ATAD2B: variants seen among roughly 807,000 people sequenced by gnomAD.
ATAD2B encodes the protein ATPase family AAA domain-containing protein 2B.
In ATAD2B, 40 loss-of-function variants were observed where a neutral mutation model predicts 167.6. The ratio of observed to expected loss-of-function variants is 0.24; its 90% CI spans 0.19 to 0.31. ATAD2B has a LOEUF of 0.31. Ranked by LOEUF, ATAD2B falls within the 10% of genes least tolerant of loss-of-function variation. ATAD2B has a pLI of 1.00. For synonymous variants in ATAD2B, 579 were observed against 596.5 expected, an observed-to-expected ratio of 0.97 and a Z score of 0.43; for missense variants, 1,242 against 1,757.2, an observed-to-expected ratio of 0.71 and a Z score of 5.24.
At chr2:23,869,132 C>A (rs1695561789) in intron 9 of ATAD2B, among the ~76,000 whole-genome samples, 1 of 152,086 alleles carries the variant, frequency 6.6e-6, no homozygotes, top group African/African-American at 2.4e-5. Context: ...TTATTTACTC[C>A]TCCACTGAAA....
chr2:23,889,971 T>C (rs1016480077), intron 2 of ATAD2B, among the ~76,000 whole-genome samples: 3 of 149,928 alleles, frequency 2.0e-5, no homozygotes, highest in South Asian at 4.2e-4. Flanking sequence ...TCCCAACACT[T>C]TGGGAGGCCG....
intron 18 of ATAD2B, among the ~76,000 whole-genome samples, chr2:23,805,232 A>G (rs1295855046): frequency 1.3e-5 from 2 of 152,196 alleles, no homozygotes; most frequent in African/African-American, 4.8e-5. Context: ...TCAAATAAAA[A>G]CTTCAAAAAA....
intron 18 of ATAD2B, among the ~76,000 whole-genome samples, chr2:23,808,551 TA>T (rs1489904320): frequency 6.6e-6 from 1 of 152,148 alleles, no homozygotes; most frequent in East Asian, 1.9e-4. Flanking sequence ...TAACTTATTA[TA>T]GTATTTATAA....
In ATAD2B at chr2:23,901,387, C is replaced by G. The variant is rs561601542; in HGVS notation, c.217-5417G>C. 7.3e-5 allele frequency among the ~76,000 whole-genome samples: 11 copies of G among 151,218 alleles called. No individual in the cohort carries two copies. In the South Asian group the frequency reaches 2.1e-3, roughly 29 times the overall value. The stretch of plus-strand genomic sequence containing the variant: ...TTTTTTTTTTCTTCATGAAATCTCC[C>G]TGAAGAATCTAGCCTAAATTAAGCT... On this transcript the variant is annotated intron_variant, in intron 1 of 27. Transcript: ENST00000238789.
At chr2:23,918,435 A>C (rs1375707980) in intron 1 of ATAD2B, among the ~76,000 whole-genome samples, 1 of 152,100 alleles carries the variant, frequency 6.6e-6, no homozygotes, top group South Asian at 2.1e-4. Flanking sequence ...AAAAATAAAA[A>C]ATGAAACAAA....
Position 23,872,569 on chromosome 2 carries a change from C to T in ATAD2B, c.978-2808G>A. The T allele has an allele frequency of 2.6e-6, 3 of 1,154,228 alleles. No homozygotes were observed. In the South Asian group the frequency reaches 3.7e-5, roughly 14 times the overall value. 71.5% of individuals were successfully genotyped at this position (1,154,228 alleles called of 1,614,324 possible). ...GACTCTCACAGGAGGGTAGCTGATC[C>T]TCCGTGAGGTCTGCATGCCTGCGAT... is the stretch of plus-strand genomic sequence containing the variant. On this transcript the variant is annotated intron_variant, in intron 8 of 27. Coordinates refer to ENST00000238789, the MANE Select transcript of ATAD2B (RefSeq NM_017552.4).
intron 8 of ATAD2B, among the ~76,000 whole-genome samples, chr2:23,870,024 A>G (rs1695688172): frequency 1.3e-5 from 2 of 152,040 alleles, no homozygotes; most frequent in Admixed American, 6.6e-5. Flanking sequence ...CCTGGCCAAC[A>G]TGGTGAAACT....
chr2:23,886,726 T>C (rs1698713457), intron 4 of ATAD2B, among the ~76,000 whole-genome samples: 1 of 151,302 alleles, frequency 6.6e-6, no homozygotes, highest in South Asian at 2.1e-4. Flanking sequence ...GGTCAGGAGA[T>C]AGAGACCATC....
At chr2:23,759,861 T>C (rs1032036163) in intron 24 of ATAD2B, among the ~76,000 whole-genome samples, 1 of 152,202 alleles carries the variant, frequency 6.6e-6, no homozygotes, top group African/African-American at 2.4e-5. Context: ...ATCTAGTCCA[T>C]ATAAAAAATA....
chr2:23,910,329 C>CTAAAAATA (rs1316905511), intron 1 of ATAD2B, among the ~76,000 whole-genome samples: 1 of 151,524 alleles, frequency 6.6e-6, no homozygotes, highest in African/African-American at 2.4e-5. Flanking sequence ...CAAGCATGCA[C>CTAAAAATA]CACGATGCTC....
chr2:23,683,013 C>T, the ATAD2B span, among the ~76,000 whole-genome samples: 1 of 152,228 alleles, frequency 6.6e-6, no homozygotes, highest in Non-Finnish European at 1.5e-5. Flanking sequence ...AGTGTGTCCT[C>T]ACCAAAAAGG....
At chr2:23,902,121 G>A (rs1377592174) in intron 1 of ATAD2B, among the ~76,000 whole-genome samples, 1 of 152,166 alleles carries the variant, frequency 6.6e-6, no homozygotes, top group East Asian at 1.9e-4. Flanking sequence ...AATCTCTGGA[G>A]GTGAAACGTT....
chr2:23,706,284 G>A, the ATAD2B span, among the ~76,000 whole-genome samples: 2 of 152,182 alleles, frequency 1.3e-5, no homozygotes, highest in African/African-American at 2.4e-5. Flanking sequence ...GGCATAGCAC[G>A]GCTTCCTGAC....
At chr2:23,711,342 C>CTTTT in the ATAD2B span, among the ~76,000 whole-genome samples, 219 of 79,768 alleles carry the variant, frequency 2.7e-3, 7 homozygotes, top group Non-Finnish European at 3.8e-3. Context: ...GAATTTCTTT[C>CTTTT]TTTTTTTTTT....
At chr2:23,789,913 A>T (rs1337188962) in intron 19 of ATAD2B, among the ~76,000 whole-genome samples, 1 of 152,200 alleles carries the variant, frequency 6.6e-6, no homozygotes, top group East Asian at 1.9e-4. Context: ...TGCCTTTTCC[A>T]GCTCTGAAAT....
At chr2:23,829,960 A>G (rs1329551950) in intron 14 of ATAD2B, among the ~76,000 whole-genome samples, 2 of 150,736 alleles carry the variant, frequency 1.3e-5, no homozygotes, top group Non-Finnish European at 3.0e-5. Flanking sequence ...TGCTTCCAAA[A>G]CAAACAGAAA....
chr2:23,916,967 C>A (rs1218551750), intron 1 of ATAD2B, among the ~76,000 whole-genome samples: 1 of 152,188 alleles, frequency 6.6e-6, no homozygotes, highest in Non-Finnish European at 1.5e-5. Context: ...GTGTTTTATT[C>A]TCCACCTGCT....
At chr2:23,782,489 G>A (rs1177863563) in intron 22 of ATAD2B, among the ~76,000 whole-genome samples, 1 of 152,102 alleles carries the variant, frequency 6.6e-6, no homozygotes, top group Non-Finnish European at 1.5e-5. Context: ...ATAAAGAACA[G>A]ATAACATTCC....
chr2:23,786,812 A>G (rs1406151216), intron 20 of ATAD2B, among the ~76,000 whole-genome samples: 1 of 152,168 alleles, frequency 6.6e-6, no homozygotes, highest in Non-Finnish European at 1.5e-5. Context: ...TACGAGAAAT[A>G]GTTCAACACA....
Sources: allele counts gnomAD v4.1 joint callset (sites outside exome capture counted in the v4.1 genomes callset), GRCh38; gene constraint gnomAD v4.1.1; transcripts MANE v1.5; gene names NCBI Gene and HGNC (gene_info 2026-07-23, HGNC 2026-07-21).